The following ENTREP2 variants were observed in gnomAD, a reference collection of about 807,000 sequenced individuals.
The protein encoded by ENTREP2 is protein ENTREP2.
chr15:29,196,354 A>G, the ENTREP2 span: 3 of 1,493,630 alleles, frequency 2.0e-6, no homozygotes, highest in East Asian at 7.5e-5. Context: ...AGGAATCTAT[A>G]TGTTAATAAG....
the ENTREP2 span, among the ~76,000 whole-genome samples, chr15:29,377,823 A>AAATAATAAT: frequency 0.12 from 13,024 of 112,834 alleles, 762 homozygotes; most frequent in African/African-American, 0.14. Context: ...TCTGTCTCAA[A>AAATAATAAT]AATAATAATA....
chr15:29,208,995 T>C, the ENTREP2 span, among the ~76,000 whole-genome samples: 2 of 152,142 alleles, frequency 1.3e-5, no homozygotes, highest in Non-Finnish European at 2.9e-5. Flanking sequence ...ACATTAGAAG[T>C]TAGGATAGCA....
chr15:29,417,195 C>T, the ENTREP2 span, among the ~76,000 whole-genome samples: 11 of 152,224 alleles, frequency 7.2e-5, no homozygotes, highest in South Asian at 1.7e-3. Flanking sequence ...CACATGCACA[C>T]GTATGTTTAC....
chr15:29,266,126 ATAGAAATAGGTC>A, the ENTREP2 span: 1 of 152,358 alleles, frequency 6.6e-6, no homozygotes, highest in South Asian at 2.1e-4. Context: ...TTACAAATCA[ATAGAAATAGGTC>A]TAAGACATGA....
chr15:29,400,192 G>A, the ENTREP2 span, among the ~76,000 whole-genome samples: 1 of 152,154 alleles, frequency 6.6e-6, no homozygotes, highest in Non-Finnish European at 1.5e-5. Flanking sequence ...TTACAATGAT[G>A]GGCAGGGTTA....
the ENTREP2 span, among the ~76,000 whole-genome samples, chr15:29,449,793 T>C: frequency 6.6e-6 from 1 of 152,226 alleles, no homozygotes; most frequent in South Asian, 2.1e-4. Flanking sequence ...TGTAGAGTAC[T>C]ATAATTCTCT....
At chr15:29,220,167 C>T in the ENTREP2 span, among the ~76,000 whole-genome samples, 5 of 152,100 alleles carry the variant, frequency 3.3e-5, no homozygotes, top group East Asian at 3.9e-4. Context: ...TGGGGAGACC[C>T]GCTGGGCTGG....
the ENTREP2 span, among the ~76,000 whole-genome samples, chr15:29,614,744 T>C: frequency 0.17 from 25,306 of 152,090 alleles, 2,749 homozygotes; most frequent in African/African-American, 0.31. Context: ...ACTGGGAAGG[T>C]AGAAGGTGGC....
the ENTREP2 span, chr15:29,123,402 G>T: frequency 6.5e-7 from 1 of 1,548,468 alleles, no homozygotes; most frequent in South Asian, 1.2e-5. Flanking sequence ...CCTCGTTGGT[G>T]ACAGCCAAGC....
chr15:29,136,237 C>T, the ENTREP2 span: 59 of 981,260 alleles, frequency 6.0e-5, 1 homozygote, highest in South Asian at 7.4e-4. Flanking sequence ...CGGCACAGGG[C>T]GCTCATGAGT....
the ENTREP2 span, chr15:29,610,084 T>C: frequency 6.6e-6 from 1 of 150,548 alleles, no homozygotes; most frequent in East Asian, 2.0e-4. Flanking sequence ...GGCCTGGGGA[T>C]ATAGCAGAGG....
the ENTREP2 span, among the ~76,000 whole-genome samples, chr15:29,474,150 G>A: frequency 4.6e-5 from 7 of 152,178 alleles, no homozygotes; most frequent in African/African-American, 1.7e-4. Flanking sequence ...ATAAAGACCA[G>A]TGCCCATCCT....
At chr15:29,230,320 C>T in the ENTREP2 span, among the ~76,000 whole-genome samples, 7 of 152,114 alleles carry the variant, frequency 4.6e-5, no homozygotes, top group African/African-American at 1.7e-4. Flanking sequence ...ACATTTCTCC[C>T]AAGCTGAAGT....
the ENTREP2 span, among the ~76,000 whole-genome samples, chr15:29,551,252 G>A: frequency 5.3e-5 from 8 of 152,274 alleles, no homozygotes; most frequent in South Asian, 2.1e-4. Flanking sequence ...GCAGTGTGAC[G>A]TAGTGGGCAC....
chr15:29,637,170 C>A, the ENTREP2 span, among the ~76,000 whole-genome samples: 1 of 152,158 alleles, frequency 6.6e-6, no homozygotes, highest in East Asian at 1.9e-4. Flanking sequence ...TGCTTAGGAA[C>A]TGATGTCAGA....
At chr15:29,204,182 C>T in the ENTREP2 span, among the ~76,000 whole-genome samples, 1 of 152,176 alleles carries the variant, frequency 6.6e-6, no homozygotes, top group Admixed American at 6.5e-5. Flanking sequence ...GGGAACGACA[C>T]CGCAGAGCTT....
chr15:29,563,883 G>A, the ENTREP2 span, among the ~76,000 whole-genome samples: 71 of 148,678 alleles, frequency 4.8e-4, 1 homozygote, highest in East Asian at 4.7e-3. Flanking sequence ...TAAAGTTTCT[G>A]ATTCATACTA....
the ENTREP2 span, among the ~76,000 whole-genome samples, chr15:29,471,402 C>A: frequency 2.0e-5 from 3 of 152,178 alleles, no homozygotes; most frequent in African/African-American, 7.2e-5. Flanking sequence ...GGATGTGCTA[C>A]AAATAGAAAG....
At chr15:29,661,496 G>C in the ENTREP2 span, among the ~76,000 whole-genome samples, 1 of 152,122 alleles carries the variant, frequency 6.6e-6, no homozygotes, top group Non-Finnish European at 1.5e-5. Context: ...ACCACACCCG[G>C]CCGAGAAGAT....
Sources: allele counts gnomAD v4.1 joint callset (sites outside exome capture counted in the v4.1 genomes callset), GRCh38; gene constraint gnomAD v4.1.1; transcripts MANE v1.5; gene names NCBI Gene and HGNC (gene_info 2026-07-23, HGNC 2026-07-21).